The following RIMS1 variants were observed in gnomAD, a reference collection of about 807,000 sequenced individuals.
The protein encoded by RIMS1 is regulating synaptic membrane exocytosis 1.
In RIMS1, 83 loss-of-function variants were observed where a neutral mutation model predicts 214.1. The observed-to-expected ratio is 0.39, with a 90% CI of 0.32 to 0.47. The LOEUF (loss-of-function observed/expected upper bound fraction) is 0.47. RIMS1 is among the 20% of genes least tolerant of loss of function. The pLI, the probability that RIMS1 is intolerant of heterozygous loss-of-function variation, is 0.99. For synonymous variants in RIMS1, 793 were observed against 786.8 expected, an observed-to-expected ratio of 1.01 and a Z score of -0.13; for missense variants, 2,050 against 2,161.8, an observed-to-expected ratio of 0.95 and a Z score of 1.03.
intron 22 of RIMS1, among the ~76,000 whole-genome samples, chr6:72,269,474 A>G (rs891619909): frequency 6.6e-6 from 1 of 152,140 alleles, no homozygotes; most frequent in African/African-American, 2.4e-5. Context: ...ACAACCCTCC[A>G]CTATGATTGA....
rs1242872114 is a variant in RIMS1, at chr6:72,252,815, T to C, written c.2753T>C (p.Ile918Thr). Residue 918 changes from isoleucine (I) to threonine (T), a missense_variant, in exon 16 of 34, where the codon ATT (isoleucine) becomes ACT (threonine). Ile to Thr is a moderately conservative substitution (Grantham distance 89, BLOSUM62 -1). Transcript: ENST00000521978. ...DISDYEVDDGIGVVPPVGYRS... is the reference protein window; with the variant it reads ...DISDYEVDDGTGVVPPVGYRS... ...TCAGATTATGAGGTTGATGATGGTA[T>C]TGGCGTAGTTCCTCCAGGTGCGTGG... 3 of 1,556,422 alleles carry C rather than the reference T, an allele frequency of 1.9e-6. No homozygotes were observed. Among genetic ancestry groups the C allele is most frequent in the Non-Finnish European group, 2.6e-6 (3 of 1,149,062 alleles).
At chr6:72,219,295 A>T (rs1049648940) in intron 6 of RIMS1, among the ~76,000 whole-genome samples, 20 of 152,162 alleles carry the variant, frequency 1.3e-4, no homozygotes, top group Non-Finnish European at 2.2e-4. Context: ...AATACTTATC[A>T]TCATGCCTGT....
chr6:72,017,599 A>G (rs1813190113), intron 2 of RIMS1, among the ~76,000 whole-genome samples: 1 of 152,250 alleles, frequency 6.6e-6, no homozygotes, highest in African/African-American at 2.4e-5. Context: ...CAGAGCATTT[A>G]TTATGTATTG....
intron 2 of RIMS1, among the ~76,000 whole-genome samples, chr6:71,988,293 A>T (rs1373971286): frequency 1.3e-5 from 2 of 152,132 alleles, no homozygotes; most frequent in African/African-American, 4.8e-5. Context: ...TGATTGCCAC[A>T]TGGGCTCATC....
intron 4 of RIMS1, among the ~76,000 whole-genome samples, chr6:72,156,568 A>C (rs1411167185): frequency 7.1e-6 from 1 of 140,058 alleles, no homozygotes; most frequent in Non-Finnish European, 1.6e-5. Flanking sequence ...GACTGTACTG[A>C]ATAATAGTGT....
intron 4 of RIMS1, among the ~76,000 whole-genome samples, chr6:72,174,886 C>T (rs1423527305): frequency 6.6e-6 from 1 of 152,092 alleles, no homozygotes; most frequent in Non-Finnish European, 1.5e-5. Context: ...ATATTATAAA[C>T]TTCCAAAGGG....
chr6:71,927,901 A>G (rs1043910960), intron 1 of RIMS1, among the ~76,000 whole-genome samples: 4 of 152,152 alleles, frequency 2.6e-5, no homozygotes, highest in East Asian at 3.8e-4. Context: ...AAACTACACA[A>G]TCTTTTACAG....
intron 1 of RIMS1, among the ~76,000 whole-genome samples, chr6:71,934,107 G>T (rs1783867822): frequency 6.6e-6 from 1 of 152,172 alleles, no homozygotes; most frequent in African/African-American, 2.4e-5. Context: ...GGATGTGGGA[G>T]TAAAAGGGTG....
At position 72,287,659 on chromosome 6, in the gene RIMS1, G is replaced by C. The variant is rs899403145; in HGVS notation, c.3555-3020G>C. ...CACCCAGGCTGGAGTGTGGTCACAC[G>C]ATGTTGGCTCACTGCAGCCTCTGCC... On this transcript the variant is annotated intron_variant, in intron 24 of 33. Coordinates refer to ENST00000521978, the MANE Select transcript of RIMS1 (RefSeq NM_014989.7). 3.3e-5 allele frequency among the ~76,000 whole-genome samples: 5 copies of C among 150,850 alleles called. No individual in the cohort carries two copies. In the East Asian group the frequency reaches 7.8e-4, roughly 24 times the overall value.
intron 4 of RIMS1, among the ~76,000 whole-genome samples, chr6:72,104,364 A>G (rs981787692): frequency 3.9e-5 from 6 of 152,204 alleles, no homozygotes; most frequent in African/African-American, 1.4e-4. Context: ...TAGCATTTGA[A>G]CAGATGCACA....
intron 29 of RIMS1, among the ~76,000 whole-genome samples, chr6:72,365,338 G>C (rs2097957878): frequency 6.6e-6 from 1 of 152,126 alleles, no homozygotes; most frequent in African/African-American, 2.4e-5. Context: ...CATGGATATG[G>C]CAGCCTTCTA....
intron 1 of RIMS1, among the ~76,000 whole-genome samples, chr6:71,949,357 G>T (rs1788769007): frequency 6.6e-6 from 1 of 151,818 alleles, no homozygotes; most frequent in African/African-American, 2.4e-5. Context: ...ACAATGGGGA[G>T]AAAAAAGAGT....
chr6:72,114,636 A>C (rs2036721194), intron 4 of RIMS1, among the ~76,000 whole-genome samples: 1 of 151,942 alleles, frequency 6.6e-6, no homozygotes, highest in Non-Finnish European at 1.5e-5. Context: ...ATAGTGCTGA[A>C]AGTATAGTAA....
chr6:71,965,840 T>G (rs1202432108), intron 1 of RIMS1, among the ~76,000 whole-genome samples: 1 of 152,216 alleles, frequency 6.6e-6, no homozygotes, highest in Non-Finnish European at 1.5e-5. Context: ...GTCAGCATTG[T>G]GGCAGCTTTT....
At chr6:72,327,766 A>G (rs914724200) in intron 28 of RIMS1, among the ~76,000 whole-genome samples, 1 of 151,884 alleles carries the variant, frequency 6.6e-6, no homozygotes, top group African/African-American at 2.4e-5. Context: ...AGCCAAAATT[A>G]TCAAACTACT....
chr6:72,189,587 C>T (rs185451927), intron 6 of RIMS1, among the ~76,000 whole-genome samples: 56 of 152,300 alleles, frequency 3.7e-4, no homozygotes, highest in Middle Eastern at 3.4e-3. Context: ...ATCAACCTGC[C>T]ACCAAGTAGC....
chr6:72,359,901 T>C (rs2097765900), intron 29 of RIMS1, among the ~76,000 whole-genome samples: 2 of 152,186 alleles, frequency 1.3e-5, no homozygotes, highest in South Asian at 4.1e-4. Flanking sequence ...CCATATAAAA[T>C]ACTTGTTTTA....
chr6:71,998,838 G>A (rs1322714318), intron 2 of RIMS1, among the ~76,000 whole-genome samples: 1 of 152,054 alleles, frequency 6.6e-6, no homozygotes, highest in East Asian at 1.9e-4. Flanking sequence ...TTTCCAGGAG[G>A]AGCTTTAGAA....
intron 4 of RIMS1, among the ~76,000 whole-genome samples, chr6:72,166,730 A>G (rs1263478114): frequency 1.7e-5 from 2 of 120,238 alleles, no homozygotes; most frequent in African/African-American, 3.2e-5. Flanking sequence ...AAAAAAAGTA[A>G]CTCTCTTAAT....
Sources: allele counts gnomAD v4.1 joint callset (sites outside exome capture counted in the v4.1 genomes callset), GRCh38; gene constraint gnomAD v4.1.1; transcripts MANE v1.5; gene names NCBI Gene and HGNC (gene_info 2026-07-23, HGNC 2026-07-21).